The following USH2A variants were observed in gnomAD, a reference collection of about 807,000 sequenced individuals.
The protein encoded by USH2A is usherin.
A neutral mutation model predicts 538.9 loss-of-function variants in USH2A; 443 were observed. The ratio of observed to expected loss-of-function variants is 0.82; its 90% CI spans 0.76 to 0.89. The LOEUF (loss-of-function observed/expected upper bound fraction) is 0.89. USH2A is among the 40% of genes least tolerant of loss of function. The pLI is 0.00. For missense variants in USH2A, 6,633 were observed against 6,324.8 expected, an observed-to-expected ratio of 1.05 and a Z score of -1.65; for synonymous variants, 2,413 against 2,273.5, an observed-to-expected ratio of 1.06 and a Z score of -1.75.
At chr1:215,981,520 G>A (rs1447026557) in intron 35 of USH2A, among the ~76,000 whole-genome samples, 1 of 151,836 alleles carries the variant, frequency 6.6e-6, no homozygotes, top group Non-Finnish European at 1.5e-5. Context: ...TTCATTCTTT[G>A]ACTTTCAACC....
chr1:216,402,977 G>C (rs749022355), intron 3 of USH2A, among the ~76,000 whole-genome samples: 1 of 152,010 alleles, frequency 6.6e-6, no homozygotes. Context: ...AAAAGAGGAA[G>C]GATCTTAAAA....
intron 3 of USH2A, among the ~76,000 whole-genome samples, chr1:216,390,087 C>T (rs1229259868): frequency 6.6e-6 from 1 of 152,088 alleles, no homozygotes; most frequent in Non-Finnish European, 1.5e-5. Context: ...TTACCTACTT[C>T]AGCATGAGTT....
At chr1:215,815,876 T>C (rs183367829) in intron 48 of USH2A, among the ~76,000 whole-genome samples, 5 of 152,182 alleles carry the variant, frequency 3.3e-5, no homozygotes, top group African/African-American at 1.2e-4. Context: ...TAAACTACTA[T>C]GACAGTTTCT....
chr1:215,941,372 T>C (rs1387879986), intron 37 of USH2A, among the ~76,000 whole-genome samples: 2 of 152,144 alleles, frequency 1.3e-5, no homozygotes, highest in African/African-American at 4.8e-5. Context: ...ACTGTGACTA[T>C]TGTAAATTGT....
chr1:215,923,959 T>G (rs1666168797), intron 38 of USH2A, among the ~76,000 whole-genome samples: 1 of 151,688 alleles, frequency 6.6e-6, no homozygotes, highest in African/African-American at 2.4e-5. Context: ...ACTCCTGAGC[T>G]CAACAATCCT....
At chr1:216,111,648 C>T (rs1017414146) in intron 21 of USH2A, among the ~76,000 whole-genome samples, 1 of 149,856 alleles carries the variant, frequency 6.7e-6, no homozygotes, top group Non-Finnish European at 1.5e-5. Context: ...TAAATAACTG[C>T]TGAAAAACAA....
chr1:215,987,004 A>C (rs1014540777), intron 35 of USH2A, among the ~76,000 whole-genome samples: 1 of 152,252 alleles, frequency 6.6e-6, no homozygotes, highest in Non-Finnish European at 1.5e-5. Flanking sequence ...AATTATAGCT[A>C]TTAATAAAAG....
chr1:216,193,666 CAG>C (rs1404038517), intron 19 of USH2A, among the ~76,000 whole-genome samples: 1 of 151,976 alleles, frequency 6.6e-6, no homozygotes, highest in Non-Finnish European at 1.5e-5. Context: ...CCAGAGGAGA[CAG>C]AGACACAGAG....
chr1:216,052,060 G>A (rs924240449), intron 30 of USH2A, among the ~76,000 whole-genome samples: 4 of 152,106 alleles, frequency 2.6e-5, no homozygotes, highest in South Asian at 4.1e-4. Flanking sequence ...AAGGAGTTAC[G>A]TTGTGTATAA....
chr1:215,640,640 C>T lies in USH2A; in HGVS notation c.14886G>A (p.Lys4962=), dbSNP rs756000185. 3.1e-6 allele frequency: 5 copies of T among 1,613,896 alleles called. No individual in the cohort carries two copies. The highest frequency in any genetic ancestry group is 4.2e-6 in the Non-Finnish European group (5 of 1,179,998). The stretch of plus-strand genomic sequence containing the variant: ...GCCCTCCGTCGGTTAACACGTACTC[C>T]TTCAGTTGGCCGTTCAGGAGGAAGG... ...SDTFLLNGQL[K]EYVLTDGGRR... The change falls in exon 68 of 72, where the codon AAG becomes AAA. Residue 4962 remains lysine, a synonymous_variant. Transcript: ENST00000307340.
chr1:215,934,491 A>G, intron 38 of USH2A, 125 bp downstream of exon 38: 1 of 975,232 alleles, frequency 1.0e-6, no homozygotes, highest in African/African-American at 1.7e-5. Context: ...TAAAAGAACC[A>G]GAAATACAAT....
chr1:215,820,587 C>T (rs1258285946), intron 47 of USH2A, among the ~76,000 whole-genome samples: 1 of 151,746 alleles, frequency 6.6e-6, no homozygotes, highest in Non-Finnish European at 1.5e-5. Flanking sequence ...TTTATGCTAA[C>T]AACATTTAAA....
chr1:215,624,064 C>G lies in USH2A; in HGVS notation c.*1717G>C, dbSNP rs931648727. 6.6e-6 allele frequency: 1 copy of G among 152,116 alleles called. No homozygotes were observed. Among genetic ancestry groups the G allele is most frequent in the African/African-American group, 2.4e-5 (1 of 41,422 alleles). 9.4% of individuals were successfully genotyped at this position (152,116 alleles called of 1,614,324 possible). A position where few individuals can be genotyped will look rare whatever the true frequency, so the allele number is the denominator to read the frequency against. The stretch of plus-strand genomic sequence containing the variant: ...CAGAATCGGCATATGGGAATAAAAA[C>G]CAGTAAACTAGTCAATCCTATGTTT... On this transcript the variant is annotated 3_prime_UTR_variant, in exon 72 of 72. Coordinates refer to ENST00000307340, the MANE Select transcript of USH2A (RefSeq NM_206933.4).
chr1:215,856,355 T>TCC (rs1664166554), intron 44 of USH2A, among the ~76,000 whole-genome samples: 3 of 151,728 alleles, frequency 2.0e-5, no homozygotes, highest in South Asian at 2.1e-4. Context: ...ATACAAACAA[T>TCC]CAAGTCAAAA....
At chr1:215,727,298 A>G (rs1659851983) in intron 61 of USH2A, among the ~76,000 whole-genome samples, 1 of 152,094 alleles carries the variant, frequency 6.6e-6, no homozygotes, top group South Asian at 2.1e-4. Flanking sequence ...GCTATATATT[A>G]TACTAGCTTG....
At chr1:215,657,547 T>C (rs899636819) in intron 64 of USH2A, among the ~76,000 whole-genome samples, 1 of 152,202 alleles carries the variant, frequency 6.6e-6, no homozygotes, top group Non-Finnish European at 1.5e-5. Flanking sequence ...TTTTCCAGCA[T>C]CTCTATCTGC....
chr1:215,710,983 A>C (rs1659324229), intron 61 of USH2A, among the ~76,000 whole-genome samples: 1 of 151,958 alleles, frequency 6.6e-6, no homozygotes, highest in Non-Finnish European at 1.5e-5. Flanking sequence ...ACTGCATAGT[A>C]AGTCACTGCT....
chr1:215,925,359 CT>C (rs1666211445), intron 38 of USH2A, among the ~76,000 whole-genome samples: 1 of 152,060 alleles, frequency 6.6e-6, no homozygotes, highest in Non-Finnish European at 1.5e-5. Context: ...TTGTTGAATT[CT>C]CCTACTTTAT....
chr1:216,253,933 C>T (rs2036211222), intron 11 of USH2A, among the ~76,000 whole-genome samples: 1 of 152,168 alleles, frequency 6.6e-6, no homozygotes, highest in Admixed American at 6.6e-5. Flanking sequence ...CTCTCTTCTT[C>T]CTCCTTGCTC....
Sources: gnomAD v4.1 joint callset for allele counts (sites outside exome capture counted in the v4.1 genomes callset) on GRCh38, gnomAD v4.1.1 for gene constraint, MANE v1.5 for transcripts, NCBI Gene and HGNC (gene_info 2026-07-23, HGNC 2026-07-21) for gene names.